Variants in SDK2 observed in about 807,000 individuals in gnomAD.
SDK2 encodes sidekick cell adhesion molecule 2.
Under a neutral mutation model 253.9 loss-of-function variants are expected in SDK2, and 105 were observed. The observed-to-expected ratio is 0.41, with a 90% confidence interval of 0.35 to 0.49. The LOEUF (loss-of-function observed/expected upper bound fraction) is 0.49, where lower values mean the gene tolerates loss of function less well. SDK2 is among the 20% of genes least tolerant of loss of function. SDK2 has a pLI of 0.06. For synonymous variants in SDK2, 1,249 were observed against 1,234.9 expected, an observed-to-expected ratio of 1.01 and a Z score of -0.24; for missense variants, 2,608 against 3,003.0, an observed-to-expected ratio of 0.87 and a Z score of 3.07.
rs771249786 is a variant in SDK2 at position 73,393,575 on chromosome 17, G to A, written c.3883C>T (p.Arg1295Trp). 7.7e-6 allele frequency: 12 copies of A among 1,564,268 alleles called. No homozygotes were observed. Among genetic ancestry groups the A allele is most frequent in the Middle Eastern group, 1.7e-4 (1 of 5,932 alleles). Residue 1295 changes from arginine (R) to tryptophan (W), a missense_variant, in exon 27 of 45, where the codon CGG becomes TGG. Physicochemically the swap from Arg to Trp is moderately radical, Grantham distance 101. This residue lies in a region of SDK2 where 1,505 missense variants were observed against 1,859.1 expected (regional missense o/e 0.81). Transcript: ENST00000392650. ...GSPSHPPILE[R>W]TLDDVPGPPM... The stretch of plus-strand genomic sequence containing the variant: ...ACGGACTCACCATCATCCAGCGTCC[G>A]CTCCAGGATGGGAGGGTGGCTGGGG...
At chr17:73,363,898 C>T (rs899598621) in intron 38 of SDK2, among the ~76,000 whole-genome samples, 1 of 152,150 alleles carries the variant, frequency 6.6e-6, no homozygotes, top group East Asian at 1.9e-4. Context: ...TGGCTCCCCC[C>T]TGGTGTTCTA....
intron 17 of SDK2, among the ~76,000 whole-genome samples, chr17:73,415,520 C>G (rs929624167): frequency 2.0e-5 from 3 of 151,924 alleles, no homozygotes; most frequent in Non-Finnish European, 4.4e-5. Context: ...TAGTTCTGTT[C>G]ATTTTTTGTA....
chr17:73,522,188 G>A (rs955445901), intron 1 of SDK2, among the ~76,000 whole-genome samples: 7 of 152,256 alleles, frequency 4.6e-5, no homozygotes, highest in Non-Finnish European at 7.3e-5. Flanking sequence ...TGAGCGCCCC[G>A]GAGAGAGAAG....
At chr17:73,586,405 G>C (rs766568949) in intron 1 of SDK2, among the ~76,000 whole-genome samples, 5 of 152,070 alleles carry the variant, frequency 3.3e-5, no homozygotes, top group Non-Finnish European at 7.3e-5. Flanking sequence ...CCCTCGCTGA[G>C]ACCAAGAGCG....
chr17:73,566,315 A>ATGTGTGTGTG (rs1348465708), intron 1 of SDK2, among the ~76,000 whole-genome samples: 63 of 111,818 alleles, frequency 5.6e-4, no homozygotes, highest in African/African-American at 2.5e-3. Flanking sequence ...ATTCTTATAT[A>ATGTGTGTGTG]TATATGTGTG....
intron 1 of SDK2, among the ~76,000 whole-genome samples, chr17:73,608,505 C>T (rs776359312): frequency 4.3e-4 from 66 of 152,204 alleles, no homozygotes; most frequent in Non-Finnish European, 8.4e-4. Context: ...TGCAATGGCG[C>T]GATCTCGGCT....
intron 2 of SDK2, 44 bp downstream of exon 2, chr17:73,507,394 G>A: frequency 6.5e-7 from 1 of 1,529,110 alleles, no homozygotes; most frequent in Non-Finnish European, 8.8e-7. Flanking sequence ...AAGCAGGGCA[G>A]TGGTCCTGGC....
intron 18 of SDK2, among the ~76,000 whole-genome samples, chr17:73,413,970 G>A (rs1241227964): frequency 1.3e-5 from 2 of 152,088 alleles, no homozygotes; most frequent in East Asian, 3.8e-4. Context: ...CAAGAGCCAC[G>A]GTAAGAAGTG....
Position 73,395,408 on chromosome 17 carries a change from G to A in SDK2, c.3355-16C>T. ...CCGGGAGAGGCTGCAGCGGGGCAGG[G>A]GTGGCAAAGCTGCTATGAGCCAGGC... On this transcript the variant is annotated splice_polypyrimidine_tract_variant and intron_variant, in intron 24 of 44. Coordinates refer to ENST00000392650, the MANE Select transcript of SDK2 (RefSeq NM_001144952.2). This position sits in a 1 kb window ranked among gnomAD's most constrained non-coding sequence, Gnocchi z 4.3. 6.2e-7 allele frequency: 1 copy of A among 1,606,284 alleles called. No homozygotes were observed. The highest frequency in any genetic ancestry group is 8.5e-7 in the Non-Finnish European group (1 of 1,173,232).
intron 1 of SDK2, among the ~76,000 whole-genome samples, chr17:73,547,211 G>A (rs111327268): frequency 1.2e-3 from 177 of 152,336 alleles, no homozygotes; most frequent in African/African-American, 3.9e-3. Flanking sequence ...TCTAAGCCAC[G>A]CCCCCTCTGC....
In SDK2 at chr17:73,387,915, T is replaced by C; in HGVS notation, c.4315A>G (p.Thr1439Ala). The C allele has an allele frequency of 6.3e-7, 1 of 1,590,114 alleles. No individual in the cohort carries two copies. Among genetic ancestry groups the C allele is most frequent in the South Asian group, 1.1e-5 (1 of 87,112 alleles). The change falls in exon 30 of 45, where the codon ACC becomes GCC. Residue 1439 changes from threonine (T) to alanine (A), a missense_variant. Physicochemically the swap from Thr to Ala is moderately conservative, Grantham distance 58. This residue lies in a region of SDK2 where 1,103 missense variants were observed against 1,143.9 expected (regional missense o/e 0.96). Transcript: ENST00000392650. ...CACCTGCCGCTGGGCAGCTCGCGGG[T>C]CTGGATGGTGTAGTAGCGCACAGGG... Reference protein sequence around the residue: ...LSPVRYYTIQTRELPSGRWAL... With the variant: ...LSPVRYYTIQARELPSGRWAL...
At chr17:73,519,245 A>C (rs1288517569) in intron 1 of SDK2, 1 of 152,274 alleles carries the variant, frequency 6.6e-6, no homozygotes, top group African/African-American at 2.4e-5. Context: ...TCCCAGGGGC[A>C]GCCCCTGTTC....
At chr17:73,355,174 A>ATATATATATATATATATTTTTT in intron 40 of SDK2, among the ~76,000 whole-genome samples, 4 of 47,236 alleles carry the variant, frequency 8.5e-5, no homozygotes, top group Non-Finnish European at 1.3e-4. Flanking sequence ...ATATATATAT[A>ATATATATATATATATATTTTTT]TTTTTTTTTT....
Position 73,488,719 on chromosome 17 carries a change from A to G in SDK2, c.225-16501T>C, listed in dbSNP as rs147109184. Among the ~76,000 whole-genome samples the G allele has an allele frequency of 4.0e-3, 615 of 152,300 alleles. 8 individuals are homozygous for G. The Middle Eastern group carries it at 0.058, about 14-fold the overall frequency. On this transcript the variant is annotated intron_variant, in intron 2 of 44. Transcript: ENST00000392650. The stretch of plus-strand genomic sequence containing the variant: ...GGAGCCTTTTCCAAGGCAAAGTGCC[A>G]TAAGTATTATAGTAGTTATGCGTTT...
Position 73,424,050 on chromosome 17 carries a change from G to A in SDK2, c.1626C>T (p.Ser542=), listed in dbSNP as rs773819582. The change falls in exon 13 of 45, where the codon AGC becomes AGT. Residue 542 remains serine (S), a synonymous_variant. Transcript: ENST00000392650. ...EKDGATLGTE[S]HPRIRLDRNG... Reference sequence around the variant, plus strand: ...TTCTGTCCAGGCGGATACGAGGATGGCTCTCCGTGCCCAGGGTGGCCCCGT... The same window carrying A: ...TTCTGTCCAGGCGGATACGAGGATGACTCTCCGTGCCCAGGGTGGCCCCGT... 1.2e-6 allele frequency: 2 copies of A among 1,612,890 alleles called. No individual in the cohort carries two copies. Among genetic ancestry groups the A allele is most frequent in the Non-Finnish European group, 1.7e-6 (2 of 1,179,650 alleles).
chr17:73,549,606 G>T (rs1034284399), intron 1 of SDK2, among the ~76,000 whole-genome samples: 57 of 152,120 alleles, frequency 3.7e-4, no homozygotes, highest in Admixed American at 4.6e-4. Flanking sequence ...GGAAGAGGGA[G>T]TGTCTAAGTC....
intron 1 of SDK2, among the ~76,000 whole-genome samples, chr17:73,529,237 G>A (rs1044735107): frequency 1.3e-5 from 2 of 152,158 alleles, no homozygotes; most frequent in African/African-American, 2.4e-5. Context: ...CAGTACCGAG[G>A]TTGGGGACAG....
chr17:73,422,256 C>T (rs371653885), intron 15 of SDK2, 31 bp downstream of exon 15: 13 of 1,608,038 alleles, frequency 8.1e-6, no homozygotes, highest in Middle Eastern at 1.7e-4. Context: ...GGAGTCCTGG[C>T]GACGCCCCTG....
Position 73,411,858 on chromosome 17 carries a change from G to A in SDK2, c.2484+2786C>T, listed in dbSNP as rs568375627. ...AGAATCTCAGCTCACTGCAACTTCCGCCTTCCAGGTTCAAGCAATTCCCCT... is the reference window on the plus strand; with the variant it reads ...AGAATCTCAGCTCACTGCAACTTCCACCTTCCAGGTTCAAGCAATTCCCCT... On this transcript the variant is annotated intron_variant, in intron 18 of 44. Transcript: ENST00000392650. 3.7e-4 allele frequency among the ~76,000 whole-genome samples: 54 copies of A among 146,254 alleles called. 1 individual carries two copies. The South Asian group carries it at 9.7e-3, about 26-fold the overall frequency.
Sources: allele counts gnomAD v4.1 joint callset (sites outside exome capture counted in the v4.1 genomes callset), GRCh38; gene constraint gnomAD v4.1.1; regional missense constraint gnomAD v4.1.1; non-coding constraint Gnocchi (gnomAD v3.1); transcripts MANE v1.5; gene names NCBI Gene and HGNC (gene_info 2026-07-23, HGNC 2026-07-21).